Variants in SLC16A10 observed in about 807,000 individuals in gnomAD.
SLC16A10 encodes solute carrier family 16 member 10.
SLC16A10 carries 27 observed loss-of-function variants against 40.0 expected under a neutral mutation model. The ratio of observed to expected loss-of-function variants is 0.67; its 90% CI spans 0.50 to 0.93. SLC16A10 has a LOEUF of 0.93. SLC16A10 is among the 40% of genes least tolerant of loss of function. The probability of loss-of-function intolerance (pLI) is 0.00; values close to 1 mark genes in which losing one functional copy is unlikely to be tolerated. For missense variants in SLC16A10, 529 were observed against 658.2 expected (o/e 0.80, Z 2.15); for synonymous variants, 213 against 249.8 (o/e 0.85, Z 1.39).
intron 3 of SLC16A10, among the ~76,000 whole-genome samples, chr6:111,204,314 CAG>C (rs1172543931): frequency 1.3e-5 from 2 of 152,058 alleles, no homozygotes; most frequent in African/African-American, 4.8e-5. Context: ...GTTGGGCTAA[CAG>C]TAGTGTATTA....
intron 1 of SLC16A10, among the ~76,000 whole-genome samples, chr6:111,091,648 G>A (rs1770977300): frequency 6.6e-6 from 1 of 152,182 alleles, no homozygotes; most frequent in African/African-American, 2.4e-5. Flanking sequence ...TCCACAGCAG[G>A]ACAATGTTTC....
intron 1 of SLC16A10, among the ~76,000 whole-genome samples, chr6:111,164,579 G>T (rs1772437189): frequency 6.6e-6 from 1 of 151,900 alleles, no homozygotes; most frequent in Non-Finnish European, 1.5e-5. Context: ...GGCTAACATG[G>T]TGAAAATCCG....
At position 111,221,484 on chromosome 6, in the gene SLC16A10, G is replaced by A. The variant is rs560442086; in HGVS notation, c.1316-519G>A. Among the ~76,000 whole-genome samples the A allele has an allele frequency of 1.1e-3, 170 of 152,230 alleles. 2 individuals carry two copies. Among genetic ancestry groups the A allele is most frequent in the Admixed American group, 3.3e-3 (50 of 15,284 alleles). On this transcript the variant is annotated intron_variant, in intron 5 of 5. Coordinates refer to ENST00000368851, the MANE Select transcript of SLC16A10 (RefSeq NM_018593.5). ...TTGAAAGCTGGGCATGGTGGCTCAT[G>A]CCTGTAATCTCAGCATTTTGGGAGG...
Position 111,203,855 on chromosome 6 carries a change from T to C in SLC16A10, c.943-2737T>C, listed in dbSNP as rs562138035. ...AAATACCTCAAACATTTCACCTTAT[T>C]ATTCTTTTTAAGGATTACAAAGTAG... On this transcript the variant is annotated intron_variant, in intron 3 of 5. Transcript: ENST00000368851. Among the ~76,000 whole-genome samples the C allele has an allele frequency of 2.0e-4, 31 of 152,286 alleles. No homozygotes were observed. In the South Asian group the frequency reaches 6.2e-3, roughly 31 times the overall value.
rs1335255419 is a variant in SLC16A10 at position 111,230,327 on chromosome 6, C to T, written c.*8092C>T. 3 of 152,118 alleles carry T rather than the reference C, an allele frequency of 2.0e-5. No individual in the cohort carries two copies. The highest frequency in any genetic ancestry group is 7.2e-5 in the African/African-American group (3 of 41,416). 9.4% of individuals were successfully genotyped at this position (152,118 alleles called of 1,614,324 possible). A position where few individuals can be genotyped will look rare whatever the true frequency, so the allele number is the denominator to read the frequency against. On this transcript the variant is annotated 3_prime_UTR_variant, in exon 6 of 6. Transcript: ENST00000368851. ...TCTCTTTTAAAAGACCCTGACTTAACTGTATTTTATGAGGATTTTATAAAT... is the reference window on the plus strand; with the variant it reads ...TCTCTTTTAAAAGACCCTGACTTAATTGTATTTTATGAGGATTTTATAAAT...
intron 4 of SLC16A10, among the ~76,000 whole-genome samples, chr6:111,207,011 A>G (rs1421599126): frequency 6.6e-6 from 1 of 152,038 alleles, no homozygotes; most frequent in Non-Finnish European, 1.5e-5. Context: ...GTATTTTTTT[A>G]GTAGAGATGG....
intron 3 of SLC16A10, 184 bp downstream of exon 3, chr6:111,177,849 A>G: frequency 1.8e-6 from 1 of 552,002 alleles, no homozygotes; most frequent in East Asian, 3.0e-5. Flanking sequence ...AAACAGAGAG[A>G]GTATGTTTCA....
chr6:111,098,669 A>G (rs1771120870), intron 1 of SLC16A10, among the ~76,000 whole-genome samples: 1 of 152,354 alleles, frequency 6.6e-6, no homozygotes, highest in Admixed American at 6.5e-5. Context: ...TATTAATAAA[A>G]ACCTTTTCAT....
rs902350934 is a variant in SLC16A10 at position 111,230,992 on chromosome 6, A to G, written c.*8757A>G. On this transcript the variant is annotated 3_prime_UTR_variant, in exon 6 of 6. Coordinates refer to ENST00000368851, the MANE Select transcript of SLC16A10 (RefSeq NM_018593.5). ...CTCATGCTGGATTTGACCAGTATGC[A>G]GTATTTTAGTACTTTTTAAAAAATG... 1 of 152,194 alleles carries G rather than the reference A, an allele frequency of 6.6e-6. No homozygotes were observed. The highest frequency in any genetic ancestry group is 1.5e-5 in the Non-Finnish European group (1 of 68,038). 9.4% of individuals were successfully genotyped at this position (152,194 alleles called of 1,614,324 possible).
At chr6:111,216,599 T>C (rs1235955813) in intron 4 of SLC16A10, among the ~76,000 whole-genome samples, 2 of 148,236 alleles carry the variant, frequency 1.3e-5, no homozygotes, top group Non-Finnish European at 3.0e-5. Flanking sequence ...GTATTTTTAG[T>C]AGAGACGGGG....
chr6:111,214,044 C>T (rs1773384596), intron 4 of SLC16A10, among the ~76,000 whole-genome samples: 1 of 152,200 alleles, frequency 6.6e-6, no homozygotes, highest in Admixed American at 6.5e-5. Context: ...ACTGACATTT[C>T]TCCAGCAATG....
intron 3 of SLC16A10, among the ~76,000 whole-genome samples, chr6:111,200,094 A>C (rs1469948959): frequency 2.6e-5 from 4 of 152,166 alleles, no homozygotes; most frequent in African/African-American, 7.2e-5. Context: ...AAAAAAACAA[A>C]CAACCAATCA....
intron 3 of SLC16A10, among the ~76,000 whole-genome samples, chr6:111,185,903 GT>G (rs66493230): frequency 0.15 from 22,225 of 144,302 alleles, 1,659 homozygotes; most frequent in Middle Eastern, 0.21. Flanking sequence ...TCACCAGTGG[GT>G]TTTTTTTTTT....
intron 1 of SLC16A10, among the ~76,000 whole-genome samples, chr6:111,167,957 G>A (rs1431503023): frequency 1.3e-5 from 2 of 151,078 alleles, no homozygotes; most frequent in East Asian, 3.9e-4. Context: ...TTATACATAT[G>A]AGCCACTGTT....
intron 1 of SLC16A10, among the ~76,000 whole-genome samples, chr6:111,105,083 C>CG (rs1230895605): frequency 3.3e-5 from 5 of 152,048 alleles, no homozygotes; most frequent in Admixed American, 1.3e-4. Flanking sequence ...CTGCTAAAGA[C>CG]TTTTGGCATG....
chr6:111,125,536 C>A lies in SLC16A10; in HGVS notation c.343+37441C>A, dbSNP rs144454511. Among the ~76,000 whole-genome samples, 9 of 152,220 alleles carry A rather than the reference C, an allele frequency of 5.9e-5. No individual in the cohort carries two copies. In the East Asian group the frequency reaches 1.5e-3, roughly 26 times the overall value. Reference sequence around the variant, plus strand: ...TTCTATCCACATCTCATCAAACCGCCCCTGAAATTCCCTTGCCTCTGTTAA... The same window carrying A: ...TTCTATCCACATCTCATCAAACCGCACCTGAAATTCCCTTGCCTCTGTTAA... On this transcript the variant is annotated intron_variant, in intron 1 of 5. Coordinates refer to ENST00000368851, the MANE Select transcript of SLC16A10 (RefSeq NM_018593.5).
At chr6:111,130,178 A>T (rs1292003574) in intron 1 of SLC16A10, among the ~76,000 whole-genome samples, 1 of 152,224 alleles carries the variant, frequency 6.6e-6, no homozygotes. Flanking sequence ...TATCATAACA[A>T]AAAACAAGAG....
chr6:111,148,835 G>A (rs997015516), intron 1 of SLC16A10, among the ~76,000 whole-genome samples: 1 of 152,168 alleles, frequency 6.6e-6, no homozygotes, highest in African/African-American at 2.4e-5. Flanking sequence ...CAGGCCAGGC[G>A]TGGTGACTCA....
intron 1 of SLC16A10, among the ~76,000 whole-genome samples, chr6:111,088,728 G>A (rs958939707): frequency 1.1e-4 from 17 of 152,164 alleles, no homozygotes; most frequent in Admixed American, 5.2e-4. Context: ...GATGAGGAAG[G>A]TGAAGGGTTG....
Sources: allele counts gnomAD v4.1 joint callset (sites outside exome capture counted in the v4.1 genomes callset), GRCh38; gene constraint gnomAD v4.1.1; transcripts MANE v1.5; gene names NCBI Gene and HGNC (gene_info 2026-07-23, HGNC 2026-07-21).